DHRS12: variants seen among roughly 807,000 people sequenced by gnomAD.
The protein encoded by DHRS12 is dehydrogenase/reductase 12, also known as dehydrogenase/reductase SDR family member 12.
A neutral mutation model predicts 32.1 loss-of-function variants in DHRS12; 29 were observed. The ratio of observed to expected loss-of-function variants is 0.90; its 90% confidence interval spans 0.67 to 1.23. The LOEUF is 1.23. Ranked by LOEUF, DHRS12 falls within the 50% of genes most tolerant of loss-of-function variation. The pLI, the probability that DHRS12 is intolerant of heterozygous loss-of-function variation, is 0.00. For missense variants in DHRS12, 330 were observed against 337.2 expected (o/e 0.98, Z 0.17); for synonymous variants, 150 against 135.9 (o/e 1.10, Z -0.72).
intron 1 of DHRS12, chr13:51,803,525 G>C (rs1276614361): frequency 6.6e-6 from 1 of 152,290 alleles, no homozygotes; most frequent in Non-Finnish European, 1.5e-5. Context: ...GTCACGGGGC[G>C]ACGAAACCAC....
the DHRS12 span, chr13:51,756,293 G>A: frequency 1.3e-6 from 2 of 1,584,822 alleles, no homozygotes; most frequent in Non-Finnish European, 1.7e-6. Flanking sequence ...AGGAGCTGAG[G>A]GAGCCGTGAT....
intron 4 of DHRS12, among the ~76,000 whole-genome samples, chr13:51,787,920 ATAATATATACTTAT>A (rs1433138400): frequency 2.7e-3 from 184 of 69,078 alleles, no homozygotes; most frequent in African/African-American, 8.4e-3. Context: ...ATAATTATAT[ATAATATATACTTAT>A]ATATATAATT....
intron 4 of DHRS12, 29 bp from the exon 5 acceptor site, chr13:51,777,150 G>A (rs756120196): frequency 2.5e-6 from 4 of 1,613,562 alleles, no homozygotes; most frequent in Admixed American, 1.7e-5. Context: ...TCCCATGAGG[G>A]GGCTGCAGGA....
the DHRS12 span, chr13:51,758,204 A>G: frequency 3.2e-6 from 5 of 1,576,884 alleles, no homozygotes; most frequent in African/African-American, 4.0e-5. Flanking sequence ...GTGCACCCAC[A>G]GCCACCTTCC....
At chr13:51,771,672 A>T in intron 7 of DHRS12, 149 bp downstream of exon 7, 1 of 1,329,020 alleles carries the variant, frequency 7.5e-7, no homozygotes, top group Middle Eastern at 2.0e-4. Flanking sequence ...CTGCAGTCCC[A>T]ACGCGCCCCT....
At chr13:51,775,960 T>C (rs868633921) in intron 5 of DHRS12, 55 of 98,894 alleles carry the variant, frequency 5.6e-4, no homozygotes, top group African/African-American at 2.1e-3. Flanking sequence ...CCTACATGTA[T>C]TCTACAGTAT....
chr13:51,772,741 T>C, intron 6 of DHRS12: 1 of 985,486 alleles, frequency 1.0e-6, no homozygotes. Flanking sequence ...TTGATCATGC[T>C]TGGCAAAGAA....
chr13:51,790,204 C>A, intron 3 of DHRS12, 112 bp from the exon 4 acceptor site: 1 of 752,270 alleles, frequency 1.3e-6, no homozygotes, highest in Non-Finnish European at 2.0e-6. Flanking sequence ...TTTCAAGTGA[C>A]AATGACAATT....
intron 6 of DHRS12, 54 bp downstream of exon 6, chr13:51,773,876 G>C (rs1412322393): frequency 3.4e-6 from 5 of 1,459,502 alleles, no homozygotes; most frequent in Non-Finnish European, 4.8e-6. Flanking sequence ...CCTTGGAAAA[G>C]GGCCCTCGCA....
chr13:51,790,629 A>C (rs1374523770), intron 3 of DHRS12, among the ~76,000 whole-genome samples: 1 of 152,174 alleles, frequency 6.6e-6, no homozygotes. Flanking sequence ...CACACTGGAC[A>C]GCACAATTCC....
At chr13:51,760,640 A>G in the DHRS12 span, 1 of 152,202 alleles carries the variant, frequency 6.6e-6, no homozygotes, top group East Asian at 1.9e-4. Context: ...CAAATGACAC[A>G]CACACAAAAT....
chr13:51,758,077 T>A, the DHRS12 span: 1 of 531,402 alleles, frequency 1.9e-6, no homozygotes, highest in Non-Finnish European at 3.4e-6. Flanking sequence ...AGCATTCCTG[T>A]CAGTGAAGCA....
rs1036587821 is a variant in DHRS12, at chr13:51,768,961, A to C, written c.697+195T>G. The C allele has an allele frequency of 4.3e-6, 6 of 1,404,954 alleles. No individual in the cohort carries two copies. In the African/African-American group the frequency reaches 8.9e-5, roughly 21 times the overall value. 87.0% of individuals were successfully genotyped at this position (1,404,954 alleles called of 1,614,324 possible). On this transcript the variant is annotated intron_variant, in intron 8 of 8. Coordinates refer to ENST00000444610, the MANE Select transcript of DHRS12 (RefSeq NM_001377533.1). Reference sequence around the variant, plus strand: ...ACAGGGTTATCACAAGTCTCCAAAGAAGCTACCAACCTGGAGTGAAGCGCT... The same window carrying C: ...ACAGGGTTATCACAAGTCTCCAAAGCAGCTACCAACCTGGAGTGAAGCGCT...
chr13:51,758,552 T>TAAAAA, the DHRS12 span, among the ~76,000 whole-genome samples: 2 of 127,720 alleles, frequency 1.6e-5, no homozygotes, highest in African/African-American at 5.8e-5. Flanking sequence ...CCTCATCTCT[T>TAAAAA]AAAAAAAAAA....
chr13:51,761,024 C>T, the DHRS12 span: 1 of 152,232 alleles, frequency 6.6e-6, no homozygotes, highest in Non-Finnish European at 1.5e-5. Context: ...TGAACATGTT[C>T]ATTACGGCAA....
At chr13:51,798,146 C>T (rs1373883309) in intron 2 of DHRS12, among the ~76,000 whole-genome samples, 1 of 152,114 alleles carries the variant, frequency 6.6e-6, no homozygotes, top group Admixed American at 6.5e-5. Context: ...AGGGCCTGAA[C>T]ACATCAAGGA....
chr13:51,773,165 GA>G, intron 6 of DHRS12: 4 of 776,900 alleles, frequency 5.1e-6, no homozygotes, highest in Non-Finnish European at 6.3e-6. Context: ...CTGAGGCCCA[GA>G]AGTGTTTCAA....
intron 4 of DHRS12, chr13:51,789,529 C>T (rs1955161810): frequency 1.0e-6 from 1 of 985,134 alleles, no homozygotes; most frequent in Admixed American, 6.2e-5. Flanking sequence ...GTCTGGGAAC[C>T]CCACTTGGAG....
chr13:51,769,227 C>G lies in DHRS12; in HGVS notation c.626G>C (p.Gly209Ala). Residue 209 changes from glycine to alanine, a missense_variant, in exon 8 of 9, where the codon GGC (glycine) becomes GCC (alanine). Coordinates refer to ENST00000444610, the MANE Select transcript of DHRS12 (RefSeq NM_001377533.1). Reference protein sequence around the residue: ...FGDRLRSEAQGADTMLWLALS... With the variant: ...FGDRLRSEAQAADTMLWLALS... ...GGCCAGCCACAGCATGGTGTCCGCG[C>G]CCTGGGCCTCGGAGCGCAGGCGGTC... 6.3e-7 allele frequency: 1 copy of G among 1,585,096 alleles called. No homozygotes were observed. The highest frequency in any genetic ancestry group is 8.6e-7 in the Non-Finnish European group (1 of 1,166,980).
Sources: allele counts gnomAD v4.1 joint callset (sites outside exome capture counted in the v4.1 genomes callset), GRCh38; gene constraint gnomAD v4.1.1; transcripts MANE v1.5; gene names NCBI Gene and HGNC (gene_info 2026-07-23, HGNC 2026-07-21).